Variants in ELOVL4 observed in about 807,000 individuals in gnomAD.
ELOVL4 encodes the protein ELOVL fatty acid elongase 4.
A neutral mutation model predicts 42.1 loss-of-function variants in ELOVL4; 18 were observed. The observed-to-expected ratio is 0.43, with a 90% CI of 0.30 to 0.63. The LOEUF (loss-of-function observed/expected upper bound fraction) is 0.63, where lower values mean the gene tolerates loss of function less well. Ranked by LOEUF, ELOVL4 falls within the 30% of genes least tolerant of loss-of-function variation. The pLI is 0.15. For missense variants in ELOVL4, 299 were observed against 376.2 expected (o/e 0.79, Z 1.70); for synonymous variants, 117 against 127.0 (o/e 0.92, Z 0.53).
intron 1 of ELOVL4, among the ~76,000 whole-genome samples, chr6:79,936,248 T>C (rs1774540370): frequency 6.6e-6 from 1 of 152,222 alleles, no homozygotes; most frequent in African/African-American, 2.4e-5. Flanking sequence ...AAGAAGTCTG[T>C]ACTATACTAT....
chr6:79,940,376 G>T (rs1011461036), intron 1 of ELOVL4, among the ~76,000 whole-genome samples: 1 of 152,080 alleles, frequency 6.6e-6, no homozygotes, highest in South Asian at 2.1e-4. Flanking sequence ...TTAAAAATTT[G>T]TATTTTGATT....
intron 1 of ELOVL4, among the ~76,000 whole-genome samples, chr6:79,940,200 T>C (rs1774623337): frequency 6.6e-6 from 1 of 152,218 alleles, no homozygotes; most frequent in South Asian, 2.1e-4. Context: ...TTTTATGTGA[T>C]TATACCTGAC....
rs757145662 is a variant in ELOVL4, at chr6:79,947,289, G to C, written c.-10C>G. The stretch of plus-strand genomic sequence containing the variant: ...AGTCCAGGAGCCCCATCGCGGCGAT[G>C]AGCGGGCGCTGGCGGCAGGAGAAAG... On this transcript the variant is annotated 5_prime_UTR_variant, in exon 1 of 6. Transcript: ENST00000369816. 3 of 1,606,772 alleles carry C rather than the reference G, an allele frequency of 1.9e-6. No homozygotes were observed. The African/African-American group carries it at 4.0e-5, about 21-fold the overall frequency.
chr6:79,925,601 C>G (rs1195048351), intron 2 of ELOVL4, among the ~76,000 whole-genome samples: 2 of 152,138 alleles, frequency 1.3e-5, no homozygotes, highest in Admixed American at 6.5e-5. Flanking sequence ...CTGTGTCAAT[C>G]TAGCCTTTAG....
At chr6:79,938,338 A>G (rs1774583757) in intron 1 of ELOVL4, among the ~76,000 whole-genome samples, 1 of 152,238 alleles carries the variant, frequency 6.6e-6, no homozygotes, top group Non-Finnish European at 1.5e-5. Context: ...TCCCTTTAGC[A>G]AAAAAGATGG....
intron 1 of ELOVL4, among the ~76,000 whole-genome samples, chr6:79,930,148 T>C (rs1774419429): frequency 6.6e-6 from 1 of 152,308 alleles, no homozygotes; most frequent in African/African-American, 2.4e-5. Flanking sequence ...TCTACAAAGC[T>C]CAATGACCTT....
chr6:79,933,975 C>T (rs1375560051), intron 1 of ELOVL4, among the ~76,000 whole-genome samples: 2 of 152,214 alleles, frequency 1.3e-5, no homozygotes, highest in African/African-American at 4.8e-5. Flanking sequence ...GCAACACAGA[C>T]AGTGAAGTCA....
At chr6:79,936,108 T>A (rs765357275) in intron 1 of ELOVL4, among the ~76,000 whole-genome samples, 1 of 152,186 alleles carries the variant, frequency 6.6e-6, no homozygotes, top group African/African-American at 2.4e-5. Context: ...CTAGATTCTA[T>A]CCGAATAAAT....
At chr6:79,924,012 G>GTT (rs35979816) in intron 3 of ELOVL4, among the ~76,000 whole-genome samples, 22,776 of 151,950 alleles carry the variant, frequency 0.15, 1,914 homozygotes, top group South Asian at 0.36. Context: ...CATAAAACAT[G>GTT]TTATGTTTTA....
chr6:79,928,748 T>G (rs1396352955), intron 1 of ELOVL4, among the ~76,000 whole-genome samples: 1 of 144,888 alleles, frequency 6.9e-6, no homozygotes, highest in African/African-American at 2.6e-5. Flanking sequence ...TTTTTTTTTT[T>G]TTTTTTTAAG....
intron 1 of ELOVL4, among the ~76,000 whole-genome samples, chr6:79,928,727 G>GT (rs34673896): frequency 0.17 from 13,023 of 75,338 alleles, 2,235 homozygotes; most frequent in Non-Finnish European, 0.21. Flanking sequence ...TGGTGACTGG[G>GT]TTTTTTTTTT....
rs1582042126 is a variant in ELOVL4 at position 79,914,981 on chromosome 6, T to C, written c.*1627A>G. 1 of 152,594 alleles carries C rather than the reference T, an allele frequency of 6.6e-6. No individual in the cohort carries two copies. Among genetic ancestry groups the C allele is most frequent in the South Asian group, 2.1e-4 (1 of 4,828 alleles). 9.5% of individuals were successfully genotyped at this position (152,594 alleles called of 1,614,324 possible). A position where few individuals can be genotyped will look rare whatever the true frequency, so the allele number is the denominator to read the frequency against. On this transcript the variant is annotated 3_prime_UTR_variant, in exon 6 of 6. Coordinates refer to ENST00000369816, the MANE Select transcript of ELOVL4 (RefSeq NM_022726.4). ...TCCTCTTAGATCAAACTACTTTATA[T>C]GTTGCAAATTTTCTGTAATTCTCAT...
intron 1 of ELOVL4, among the ~76,000 whole-genome samples, chr6:79,942,227 G>A (rs573352457): frequency 3.0e-4 from 46 of 152,262 alleles, no homozygotes; most frequent in Middle Eastern, 3.4e-3. Flanking sequence ...AGGATCAAGC[G>A]AGAAAGTTAA....
chr6:79,928,346 T>C (rs774896617), intron 1 of ELOVL4, among the ~76,000 whole-genome samples: 3 of 152,142 alleles, frequency 2.0e-5, no homozygotes, highest in Admixed American at 1.3e-4. Context: ...GAGATTTTAA[T>C]TCCTAACATC....
At chr6:79,942,372 C>A (rs1774661927) in intron 1 of ELOVL4, among the ~76,000 whole-genome samples, 1 of 151,902 alleles carries the variant, frequency 6.6e-6, no homozygotes, top group Non-Finnish European at 1.5e-5. Context: ...GGCAAAATGT[C>A]CTGATAATGA....
intron 1 of ELOVL4, among the ~76,000 whole-genome samples, chr6:79,944,070 G>A (rs1185884758): frequency 2.6e-5 from 4 of 152,132 alleles, no homozygotes; most frequent in Non-Finnish European, 4.4e-5. Flanking sequence ...TGGCTTTACC[G>A]TAAGCATCCT....
rs1774139273 is a variant in ELOVL4 at position 79,915,378 on chromosome 6, C to T, written c.*1230G>A. The stretch of plus-strand genomic sequence containing the variant: ...TTTGTGTTTTAACAACACCTTGTAA[C>T]ATCAAGCATTGAATTTAACAATCTT... On this transcript the variant is annotated 3_prime_UTR_variant, in exon 6 of 6. Transcript: ENST00000369816. 1 of 152,572 alleles carries T rather than the reference C, an allele frequency of 6.6e-6. No homozygotes were observed. The highest frequency in any genetic ancestry group is 1.5e-5 in the Non-Finnish European group (1 of 67,992). 9.5% of individuals were successfully genotyped at this position (152,572 alleles called of 1,614,324 possible).
chr6:79,933,220 TTTTG>T (rs34315202), intron 1 of ELOVL4, among the ~76,000 whole-genome samples: 32 of 151,682 alleles, frequency 2.1e-4, no homozygotes, highest in South Asian at 4.2e-4. Context: ...ATTTGATTGT[TTTTG>T]TTTGTTTGTT....
chr6:79,923,640 T>C (rs1774295444), intron 3 of ELOVL4, among the ~76,000 whole-genome samples: 1 of 152,184 alleles, frequency 6.6e-6, no homozygotes, highest in African/African-American at 2.4e-5. Context: ...AGGTTTTATT[T>C]CCTCCTTAGT....
Sources: allele counts gnomAD v4.1 joint callset (sites outside exome capture counted in the v4.1 genomes callset), GRCh38; gene constraint gnomAD v4.1.1; transcripts MANE v1.5; gene names NCBI Gene and HGNC (gene_info 2026-07-23, HGNC 2026-07-21).